Variants in IGSF11 observed in about 807,000 individuals in gnomAD.
IGSF11 encodes CXADR like 1.
A neutral mutation model predicts 41.0 loss-of-function variants in IGSF11; 22 were observed. The ratio of observed to expected loss-of-function variants is 0.54; its 90% CI spans 0.38 to 0.77. The LOEUF is 0.77. Ranked by LOEUF, IGSF11 falls within the 30% of genes least tolerant of loss-of-function variation. The probability of loss-of-function intolerance (pLI) is 0.00; values close to 1 mark genes in which losing one functional copy is unlikely to be tolerated. For missense variants in IGSF11, 444 were observed against 530.8 expected (o/e 0.84, Z 1.61); for synonymous variants, 219 against 201.3 (o/e 1.09, Z -0.74).
At chr3:118,923,854 C>A (rs568769649) in intron 4 of IGSF11, among the ~76,000 whole-genome samples, 4 of 152,106 alleles carry the variant, frequency 2.6e-5, no homozygotes, top group Non-Finnish European at 2.9e-5. Flanking sequence ...TTAGGAGGTA[C>A]GTGATAGCAG....
At chr3:118,990,310 A>G (rs963164206) in intron 1 of IGSF11, among the ~76,000 whole-genome samples, 11 of 152,360 alleles carry the variant, frequency 7.2e-5, no homozygotes, top group African/African-American at 2.4e-4. Context: ...AAGTGAAGAG[A>G]ACCTGCATTA....
chr3:119,056,691 G>A (rs1314388615), intron 1 of IGSF11, among the ~76,000 whole-genome samples: 6 of 152,114 alleles, frequency 3.9e-5, no homozygotes, highest in African/African-American at 1.4e-4. Flanking sequence ...TTAGACCAAT[G>A]TCCTTGATGA....
intron 1 of IGSF11, among the ~76,000 whole-genome samples, chr3:118,996,978 A>G (rs1936332946): frequency 6.6e-6 from 1 of 152,184 alleles, no homozygotes; most frequent in Non-Finnish European, 1.5e-5. Context: ...TTAAAAGAAC[A>G]AAAAAGAAAG....
At chr3:119,067,320 A>G (rs1397559543) in intron 1 of IGSF11, among the ~76,000 whole-genome samples, 1 of 151,322 alleles carries the variant, frequency 6.6e-6, no homozygotes, top group Non-Finnish European at 1.5e-5. Flanking sequence ...TCAGGCTCTC[A>G]TGAGCTTTCT....
intron 1 of IGSF11, among the ~76,000 whole-genome samples, chr3:119,126,620 G>A (rs2077408202): frequency 6.6e-6 from 1 of 152,176 alleles, no homozygotes; most frequent in Admixed American, 6.5e-5. Flanking sequence ...GATCCTACTG[G>A]CATCAGGGTG....
At chr3:119,058,077 T>G (rs1312978375) in intron 1 of IGSF11, among the ~76,000 whole-genome samples, 1 of 152,152 alleles carries the variant, frequency 6.6e-6, no homozygotes, top group Non-Finnish European at 1.5e-5. Context: ...GGACTTCATG[T>G]CTAAAACACC....
intron 1 of IGSF11, among the ~76,000 whole-genome samples, chr3:119,129,721 A>G (rs1187531308): frequency 6.6e-6 from 1 of 152,240 alleles, no homozygotes; most frequent in Non-Finnish European, 1.5e-5. Context: ...ACAATGGCTC[A>G]TACCTGTAAT....
intron 5 of IGSF11, 135 bp from the exon 6 acceptor site, chr3:118,904,933 C>A: frequency 1.4e-6 from 1 of 705,042 alleles, no homozygotes. Flanking sequence ...AATCTTTCAT[C>A]TATATAAAGT....
intron 1 of IGSF11, among the ~76,000 whole-genome samples, chr3:119,048,257 A>C (rs538201049): frequency 6.6e-6 from 1 of 151,946 alleles, no homozygotes; most frequent in African/African-American, 2.4e-5. Context: ...CTAGCAAGAC[A>C]AATAAAGAAA....
chr3:118,905,820 T>C (rs1939520413), intron 4 of IGSF11, 102 bp from the exon 5 acceptor site: 2 of 1,317,122 alleles, frequency 1.5e-6, no homozygotes, highest in Non-Finnish European at 2.1e-6. Flanking sequence ...TGGAGAGCTA[T>C]CAATAAATTT....
chr3:119,004,854 ACATTTGCT>A (rs1322472732), intron 1 of IGSF11, among the ~76,000 whole-genome samples: 2 of 152,134 alleles, frequency 1.3e-5, no homozygotes. Flanking sequence ...CTGTTCTGTC[ACATTTGCT>A]GAGGAGAGTT....
intron 1 of IGSF11, among the ~76,000 whole-genome samples, chr3:119,017,784 T>A: frequency 6.9e-6 from 1 of 145,792 alleles, no homozygotes; most frequent in East Asian, 2.0e-4. Flanking sequence ...TACTTTTTTT[T>A]TTTTTTTTTT....
intron 1 of IGSF11, among the ~76,000 whole-genome samples, chr3:118,979,284 C>G (rs1457911909): frequency 6.6e-6 from 1 of 151,852 alleles, no homozygotes; most frequent in African/African-American, 2.4e-5. Context: ...AATAAGGCAA[C>G]CAAATATTCA....
chr3:118,932,481 G>A (rs987279190), intron 1 of IGSF11, among the ~76,000 whole-genome samples: 3 of 152,182 alleles, frequency 2.0e-5, no homozygotes, highest in Non-Finnish European at 4.4e-5. Flanking sequence ...AGAATAAAAT[G>A]TTTCATAAAC....
chr3:119,119,532 G>C (rs749104947), intron 1 of IGSF11, among the ~76,000 whole-genome samples: 102 of 152,154 alleles, frequency 6.7e-4, no homozygotes, highest in Non-Finnish European at 1.3e-3. Context: ...AACGATATCA[G>C]GGTTGTCTGT....
intron 1 of IGSF11, among the ~76,000 whole-genome samples, chr3:119,083,310 A>T (rs1239243054): frequency 6.6e-6 from 1 of 151,712 alleles, no homozygotes; most frequent in Non-Finnish European, 1.5e-5. Flanking sequence ...TAGTAGCAAT[A>T]GGGTTTTGCC....
At chr3:118,976,862 A>G (rs990156914) in intron 1 of IGSF11, among the ~76,000 whole-genome samples, 5 of 152,162 alleles carry the variant, frequency 3.3e-5, no homozygotes, top group Admixed American at 3.3e-4. Flanking sequence ...TTCTAACCTC[A>G]ATATCAGAAA....
At chr3:118,918,614 C>G (rs1163841083) in intron 4 of IGSF11, among the ~76,000 whole-genome samples, 2 of 133,226 alleles carry the variant, frequency 1.5e-5, no homozygotes, top group Non-Finnish European at 3.1e-5. Flanking sequence ...AAAGAGGATA[C>G]AAACAAATGG....
At position 118,927,606 on chromosome 3, in the gene IGSF11, T is replaced by C. The variant is rs919841971; in HGVS notation, c.424+903A>G. Among the ~76,000 whole-genome samples, 5 of 152,254 alleles carry C rather than the reference T, an allele frequency of 3.3e-5. No individual in the cohort carries two copies. The East Asian group carries it at 9.7e-4, about 29-fold the overall frequency. ...AATTCCCAACACCTGTATTCTTAAG[T>C]GACTCAACAACAACGAAGGAAAAAG... On this transcript the variant is annotated intron_variant, in intron 3 of 6. Transcript: ENST00000393775.
Sources: allele counts gnomAD v4.1 joint callset (sites outside exome capture counted in the v4.1 genomes callset), GRCh38; gene constraint gnomAD v4.1.1; transcripts MANE v1.5; gene names NCBI Gene and HGNC (gene_info 2026-07-23, HGNC 2026-07-21).